The following MAST4 variants were observed in gnomAD, a reference collection of about 807,000 sequenced individuals.
The protein encoded by MAST4 is microtubule associated serine/threonine kinase family member 4, also known as microtubule-associated serine/threonine-protein kinase 4.
A neutral mutation model predicts 162.7 loss-of-function variants in MAST4; 89 were observed. The ratio of observed to expected loss-of-function variants is 0.55; its 90% CI spans 0.46 to 0.65. The LOEUF is 0.65. Among genes scored for constraint, MAST4 ranks in the 30% least tolerant of loss-of-function variants. The probability of loss-of-function intolerance (pLI) is 0.00; values close to 1 mark genes in which losing one functional copy is unlikely to be tolerated. For synonymous variants in MAST4, 1,479 were observed against 1,361.1 expected, an observed-to-expected ratio of 1.09 and a Z score of -1.91; for missense variants, 3,153 against 3,374.0, an observed-to-expected ratio of 0.93 and a Z score of 1.62.
chr5:67,125,419 C>G (rs192428752), intron 14 of MAST4, among the ~76,000 whole-genome samples: 16 of 152,098 alleles, frequency 1.1e-4, no homozygotes, highest in East Asian at 1.9e-4. Context: ...AACTCCCCGA[C>G]AGGCCCCAGT....
At chr5:67,125,700 C>T (rs1031152348) in intron 14 of MAST4, among the ~76,000 whole-genome samples, 1 of 152,052 alleles carries the variant, frequency 6.6e-6, no homozygotes, top group African/African-American at 2.4e-5. Context: ...GTGAACAGTG[C>T]CACAATAAAT....
intron 4 of MAST4, among the ~76,000 whole-genome samples, chr5:67,001,185 A>G (rs1331095331): frequency 6.6e-6 from 1 of 152,192 alleles, no homozygotes; most frequent in Non-Finnish European, 1.5e-5. Flanking sequence ...ATTATTTTGT[A>G]GGAAAATGTC....
At position 67,163,749 on chromosome 5, in the gene MAST4, G is replaced by A. The variant is rs1258111829; in HGVS notation, c.4570G>A (p.Val1524Met). 3 of 1,609,846 alleles carry A rather than the reference G, an allele frequency of 1.9e-6. No homozygotes were observed. The highest frequency in any genetic ancestry group is 2.2e-5 in the East Asian group (1 of 44,712). ...CCGGAAGGTGGGCCGCCAGGAGTCT[G>A]TGGACGACCTGGACCGCGACAAGCT... The part of the protein sequence containing the change: ...VSRKVGRQES[V>M]DDLDRDKLKA... Residue 1524 changes from valine to methionine, a missense_variant, in exon 29 of 29, where the codon GTG (valine) becomes ATG (methionine). Transcript: ENST00000403625. This position sits in a 1 kb window ranked among gnomAD's most constrained non-coding sequence, Gnocchi z 7.0.
intron 1 of MAST4, among the ~76,000 whole-genome samples, chr5:66,635,586 G>A (rs1580059943): frequency 6.6e-6 from 1 of 152,318 alleles, no homozygotes; most frequent in East Asian, 1.9e-4. Context: ...AAAACAAACT[G>A]TGTTTGTTGA....
chr5:66,705,198 C>T (rs1426693422), intron 1 of MAST4, among the ~76,000 whole-genome samples: 1 of 152,214 alleles, frequency 6.6e-6, no homozygotes, highest in Admixed American at 6.5e-5. Context: ...TCTGCTTGCA[C>T]AAATTCACTT....
chr5:66,830,950 C>T (rs1757556732), intron 3 of MAST4, among the ~76,000 whole-genome samples: 1 of 152,170 alleles, frequency 6.6e-6, no homozygotes, highest in Non-Finnish European at 1.5e-5. Context: ...ATTCCTGGCT[C>T]CAATCCTGTG....
At chr5:66,936,334 AT>A (rs967946146) in intron 4 of MAST4, among the ~76,000 whole-genome samples, 1 of 152,186 alleles carries the variant, frequency 6.6e-6, no homozygotes, top group African/African-American at 2.4e-5. Context: ...TACAATGGAA[AT>A]GGTCATAATG....
chr5:66,772,943 C>G (rs530421723), intron 2 of MAST4, among the ~76,000 whole-genome samples: 1 of 152,312 alleles, frequency 6.6e-6, no homozygotes, highest in East Asian at 1.9e-4. Context: ...CCTTGAACCC[C>G]TGTGCACACA....
chr5:66,628,339 TC>T (rs1407215604), intron 1 of MAST4, among the ~76,000 whole-genome samples: 4 of 135,310 alleles, frequency 3.0e-5, no homozygotes, highest in Admixed American at 1.7e-4. Flanking sequence ...TGACTTTTTT[TC>T]TTTTTTTTTT....
At chr5:66,698,561 G>A (rs574021542) in intron 1 of MAST4, among the ~76,000 whole-genome samples, 40 of 152,106 alleles carry the variant, frequency 2.6e-4, no homozygotes, top group African/African-American at 9.4e-4. Flanking sequence ...TTTGCTTTAA[G>A]TGATTCAGCT....
intron 4 of MAST4, among the ~76,000 whole-genome samples, chr5:66,930,420 A>G (rs1168463589): frequency 1.3e-5 from 2 of 152,154 alleles, no homozygotes; most frequent in Non-Finnish European, 2.9e-5. Flanking sequence ...CACAAACTAA[A>G]TGCAGCTGAC....
intron 4 of MAST4, among the ~76,000 whole-genome samples, chr5:66,982,618 T>C (rs1749001226): frequency 6.6e-6 from 1 of 152,242 alleles, no homozygotes. Flanking sequence ...GAATGTCATA[T>C]TGCAGCTTAA....
chr5:66,604,827 A>G (rs1742774458), intron 1 of MAST4, among the ~76,000 whole-genome samples: 2 of 152,242 alleles, frequency 1.3e-5, no homozygotes, highest in African/African-American at 4.8e-5. Flanking sequence ...CAATGCAGGA[A>G]GGGCCTCAGG....
chr5:66,946,792 T>C (rs754200754), intron 4 of MAST4, among the ~76,000 whole-genome samples: 2 of 152,234 alleles, frequency 1.3e-5, no homozygotes, highest in Non-Finnish European at 2.9e-5. Flanking sequence ...ACATGTAATA[T>C]GTGGAGTAAA....
At chr5:66,677,838 C>T (rs889685898) in intron 1 of MAST4, among the ~76,000 whole-genome samples, 4 of 152,078 alleles carry the variant, frequency 2.6e-5, no homozygotes, top group Non-Finnish European at 4.4e-5. Flanking sequence ...ATTTGGAAAG[C>T]GTGAACTTTA....
chr5:66,952,480 A>G (rs1206939418), intron 4 of MAST4, among the ~76,000 whole-genome samples: 1 of 152,058 alleles, frequency 6.6e-6, no homozygotes. Flanking sequence ...CCAAAATTAT[A>G]TCTGTTTCTT....
chr5:66,624,317 T>A (rs1383473046), intron 1 of MAST4, among the ~76,000 whole-genome samples: 1 of 151,862 alleles, frequency 6.6e-6, no homozygotes, highest in African/African-American at 2.4e-5. Context: ...CACGCCTGGC[T>A]AATTTTTTTG....
intron 3 of MAST4, among the ~76,000 whole-genome samples, chr5:66,817,644 C>G (rs1415400218): frequency 6.6e-6 from 1 of 152,106 alleles, no homozygotes; most frequent in Non-Finnish European, 1.5e-5. Flanking sequence ...CCAAAATATT[C>G]ATTGTCGTGC....
At chr5:66,859,457 A>G (rs1473536765) in intron 3 of MAST4, among the ~76,000 whole-genome samples, 3 of 152,068 alleles carry the variant, frequency 2.0e-5, no homozygotes, top group African/African-American at 7.2e-5. Flanking sequence ...TCTCTCTCCA[A>G]TCCTACCACC....
Sources: gnomAD v4.1 joint callset for allele counts (sites outside exome capture counted in the v4.1 genomes callset) on GRCh38, gnomAD v4.1.1 for gene constraint, Gnocchi (gnomAD v3.1) non-coding constraint, MANE v1.5 for transcripts, NCBI Gene and HGNC (gene_info 2026-07-23, HGNC 2026-07-21) for gene names.